Variants in MTMR2 observed in about 807,000 individuals in gnomAD.
MTMR2 encodes phosphatidylinositol-3,5-bisphosphate 3-phosphatase MTMR2.
A neutral mutation model predicts 86.9 loss-of-function variants in MTMR2; 55 were observed. The ratio of observed to expected loss-of-function variants is 0.63; its 90% CI spans 0.51 to 0.79. The LOEUF is 0.79. MTMR2 is among the 30% of genes least tolerant of loss of function. MTMR2 has a pLI of 0.00. For synonymous variants in MTMR2, 241 were observed against 266.8 expected (o/e 0.90, Z 0.94); for missense variants, 659 against 772.3 (o/e 0.85, Z 1.74).
Position 95,847,667 on chromosome 11 carries a change from A to G in MTMR2, c.1179+47T>C, listed in dbSNP as rs770926882. 4.0e-6 allele frequency: 6 copies of G among 1,513,290 alleles called. No individual in the cohort carries two copies. The African/African-American group carries it at 8.2e-5, about 21-fold the overall frequency. 93.7% of individuals were successfully genotyped at this position (1,513,290 alleles called of 1,614,324 possible). ...TATAAGTAAAAAGCTAATATAAACA[A>G]AGGGGTAGAGAGAGTCTTTGTTTGG... On this transcript the variant is annotated intron_variant, in intron 10 of 14. Coordinates refer to ENST00000346299, the MANE Select transcript of MTMR2 (RefSeq NM_016156.6).
intron 2 of MTMR2, among the ~76,000 whole-genome samples, chr11:95,882,824 G>A (rs757105174): frequency 7.7e-5 from 11 of 143,528 alleles, no homozygotes; most frequent in Admixed American, 2.9e-4. Flanking sequence ...CCGGGTTCAC[G>A]CCATTTTCCT....
chr11:95,885,841 G>A (rs1865496047), intron 2 of MTMR2, among the ~76,000 whole-genome samples: 1 of 152,052 alleles, frequency 6.6e-6, no homozygotes, highest in Admixed American at 6.6e-5. Context: ...TCAACCAAGT[G>A]ATCAAGGTTA....
rs188679406 is a variant in MTMR2, at chr11:95,865,195, A to C, written c.262+406T>G. Among the ~76,000 whole-genome samples, 90 of 152,298 alleles carry C rather than the reference A, an allele frequency of 5.9e-4. 2 individuals carry two copies. Among genetic ancestry groups the C allele is most frequent in the South Asian group, 3.5e-3 (17 of 4,830 alleles). On this transcript the variant is annotated intron_variant, in intron 3 of 14. Transcript: ENST00000346299. Reference sequence around the variant, plus strand: ...ACATGAAGGAAGCAAACAGAAGAGAAGATATTTTAAGAAAAATTACTTGTA... The same window carrying C: ...ACATGAAGGAAGCAAACAGAAGAGACGATATTTTAAGAAAAATTACTTGTA...
intron 5 of MTMR2, among the ~76,000 whole-genome samples, chr11:95,860,931 G>A (rs1287019370): frequency 1.3e-5 from 2 of 152,110 alleles, no homozygotes; most frequent in Admixed American, 6.5e-5. Flanking sequence ...GCCGAGATGG[G>A]CAGATCACGA....
intron 5 of MTMR2, among the ~76,000 whole-genome samples, chr11:95,859,445 C>T (rs924524524): frequency 6.6e-6 from 1 of 152,190 alleles, no homozygotes; most frequent in Non-Finnish European, 1.5e-5. Flanking sequence ...CACAGTGGCT[C>T]ATGCCTGTTA....
chr11:95,863,941 A>T lies in MTMR2; in HGVS notation c.263-1575T>A, dbSNP rs1035960700. Reference sequence around the variant, plus strand: ...CAAGAAATTCTTAGACACTGACTGGATGTTAAGAGTCCAGAAAAGAAAAAA... The same window carrying T: ...CAAGAAATTCTTAGACACTGACTGGTTGTTAAGAGTCCAGAAAAGAAAAAA... On this transcript the variant is annotated intron_variant, in intron 3 of 14. Transcript: ENST00000346299. 4.6e-5 allele frequency among the ~76,000 whole-genome samples: 7 copies of T among 152,304 alleles called. 1 individual carries two copies. Among genetic ancestry groups the T allele is most frequent in the Admixed American group, 4.6e-4 (7 of 15,294 alleles).
intron 1 of MTMR2, chr11:95,923,575 T>G: frequency 1.1e-6 from 1 of 926,658 alleles, no homozygotes; most frequent in Non-Finnish European, 1.4e-6. Flanking sequence ...TTAAAAAAGG[T>G]TTGAGAGGGA....
At position 95,862,352 on chromosome 11, in the gene MTMR2, A is replaced by G. The variant is rs1184835554; in HGVS notation, c.277T>C (p.Tyr93His). The G allele has an allele frequency of 2.5e-6, 4 of 1,613,886 alleles. No individual in the cohort carries two copies. The highest frequency in any genetic ancestry group is 3.4e-6 in the Non-Finnish European group (4 of 1,179,888). Residue 93 changes from tyrosine to histidine, a missense_variant, in exon 4 of 15, where the codon TAT becomes CAT. Tyr to His is a moderately conservative substitution (Grantham distance 83). Coordinates refer to ENST00000346299, the MANE Select transcript of MTMR2 (RefSeq NM_016156.6). ...NIKDMAKDVT[Y>H]ICPFTGAVRG... ...ACAGCGCCAGTGAATGGACATATAT[A>G]AGTTACATCTTTGGCTGAAAAAGCA...
chr11:95,860,425 C>T (rs1400726423), intron 5 of MTMR2, among the ~76,000 whole-genome samples: 2 of 152,008 alleles, frequency 1.3e-5, no homozygotes, highest in Non-Finnish European at 2.9e-5. Context: ...CACTTGAACC[C>T]GGGAGGCAGA....
At chr11:95,876,708 C>T (rs1865125795) in intron 2 of MTMR2, among the ~76,000 whole-genome samples, 1 of 152,078 alleles carries the variant, frequency 6.6e-6, no homozygotes, top group Non-Finnish European at 1.5e-5. Flanking sequence ...TAGTATTCCT[C>T]CCTTCCCAGC....
chr11:95,836,719 G>GAT (rs1245238342), intron 13 of MTMR2, among the ~76,000 whole-genome samples: 1 of 151,946 alleles, frequency 6.6e-6, no homozygotes, highest in African/African-American at 2.4e-5. Flanking sequence ...AAAAAGAAAT[G>GAT]ATATAAAATG....
At chr11:95,893,642 G>T (rs1865785317) in intron 1 of MTMR2, among the ~76,000 whole-genome samples, 1 of 152,068 alleles carries the variant, frequency 6.6e-6, no homozygotes, top group Non-Finnish European at 1.5e-5. Flanking sequence ...CTTACGATTA[G>T]AAACATCAGC....
chr11:95,893,293 T>C (rs1252768383), intron 1 of MTMR2, among the ~76,000 whole-genome samples: 1 of 152,162 alleles, frequency 6.6e-6, no homozygotes, highest in Admixed American at 6.6e-5. Flanking sequence ...CCTTGGACTT[T>C]ATCACTTCTG....
chr11:95,920,993 TAC>T (rs1470488073), intron 1 of MTMR2, among the ~76,000 whole-genome samples: 1 of 152,240 alleles, frequency 6.6e-6, no homozygotes, highest in Admixed American at 6.5e-5. Flanking sequence ...ATCTAATCAA[TAC>T]ATTTAAACAT....
chr11:95,917,740 G>A (rs549792125), intron 1 of MTMR2, among the ~76,000 whole-genome samples: 14 of 152,284 alleles, frequency 9.2e-5, no homozygotes, highest in Admixed American at 2.0e-4. Flanking sequence ...CCATTAAGTG[G>A]AAGTGGGTCA....
intron 1 of MTMR2, among the ~76,000 whole-genome samples, chr11:95,920,455 G>A (rs1866875243): frequency 6.6e-6 from 1 of 150,846 alleles, no homozygotes; most frequent in South Asian, 2.1e-4. Flanking sequence ...TTACAGGTGC[G>A]TGCCACCACG....
chr11:95,848,882 T>A (rs181452786), intron 9 of MTMR2, among the ~76,000 whole-genome samples: 8 of 152,282 alleles, frequency 5.3e-5, no homozygotes, highest in Admixed American at 4.6e-4. Context: ...AGAGTGGGAA[T>A]AAGACAGGAA....
chr11:95,872,413 T>G (rs1432678775), intron 2 of MTMR2, among the ~76,000 whole-genome samples: 1 of 152,096 alleles, frequency 6.6e-6, no homozygotes, highest in African/African-American at 2.4e-5. Context: ...ATTTGGCTGT[T>G]TGTCTGTTAT....
At position 95,841,541 on chromosome 11, in the gene MTMR2, TC is replaced by T. The variant is rs1590974450; in HGVS notation, c.1479+75del. The T allele has an allele frequency of 2.9e-6, 3 of 1,027,230 alleles. No individual in the cohort carries two copies. In the East Asian group the frequency reaches 7.1e-5, roughly 24 times the overall value. The allele number at this position is 1,027,230 out of a possible 1,614,324, so 63.6% of individuals were successfully genotyped here. ...TTCCATTTAATGATCTATAGGCTAATCAGTGACCAAATCTCCCCACTCTGAC... is the reference window on the plus strand; with the variant it reads ...TTCCATTTAATGATCTATAGGCTAATAGTGACCAAATCTCCCCACTCTGAC... On this transcript the variant is annotated intron_variant, in intron 12 of 14. Coordinates refer to ENST00000346299, the MANE Select transcript of MTMR2 (RefSeq NM_016156.6).
Sources: gnomAD v4.1 joint callset for allele counts (sites outside exome capture counted in the v4.1 genomes callset) on GRCh38, gnomAD v4.1.1 for gene constraint, MANE v1.5 for transcripts, NCBI Gene and HGNC (gene_info 2026-07-23, HGNC 2026-07-21) for gene names.